SSH2: variants seen among roughly 807,000 people sequenced by gnomAD.
SSH2 encodes the protein slingshot protein phosphatase 2.
A neutral mutation model predicts 135.2 loss-of-function variants in SSH2; 37 were observed. The ratio of observed to expected loss-of-function variants is 0.27; its 90% CI spans 0.21 to 0.36. SSH2 has a LOEUF of 0.36. SSH2 is among the 10% of genes least tolerant of loss of function. The probability of loss-of-function intolerance (pLI) is 1.00; values close to 1 mark genes in which losing one functional copy is unlikely to be tolerated. For synonymous variants in SSH2, 628 were observed against 646.2 expected, an observed-to-expected ratio of 0.97 and a Z score of 0.43; for missense variants, 1,408 against 1,765.3, an observed-to-expected ratio of 0.80 and a Z score of 3.63.
At chr17:29,909,716 T>G (rs1234644359) in intron 1 of SSH2, among the ~76,000 whole-genome samples, 1 of 152,172 alleles carries the variant, frequency 6.6e-6, no homozygotes, top group Non-Finnish European at 1.5e-5. Context: ...ATTTGTTATT[T>G]CCAGTGCTTA....
chr17:29,644,143 G>A (rs2036279188), intron 14 of SSH2, among the ~76,000 whole-genome samples: 1 of 152,150 alleles, frequency 6.6e-6, no homozygotes, highest in Non-Finnish European at 1.5e-5. Flanking sequence ...TGCCCTGCAG[G>A]GTCCACTCTT....
At chr17:29,795,166 T>A (rs1028592633) in intron 2 of SSH2, among the ~76,000 whole-genome samples, 11 of 152,322 alleles carry the variant, frequency 7.2e-5, no homozygotes, top group African/African-American at 2.6e-4. Context: ...TAACTTTCAT[T>A]CCCATGTAGC....
chr17:29,786,003 A>C (rs1403252525), intron 3 of SSH2, among the ~76,000 whole-genome samples: 2 of 147,684 alleles, frequency 1.4e-5, no homozygotes, highest in East Asian at 2.0e-4. Context: ...ACCGGGTTTC[A>C]CCGTGTCAGC....
At chr17:29,705,469 A>C (rs1264749209) in intron 3 of SSH2, among the ~76,000 whole-genome samples, 1 of 152,106 alleles carries the variant, frequency 6.6e-6, no homozygotes, top group Non-Finnish European at 1.5e-5. Flanking sequence ...TCAAAAAAAA[A>C]CTTCTTAACA....
intron 9 of SSH2, among the ~76,000 whole-genome samples, chr17:29,669,825 T>C (rs904252099): frequency 2.6e-5 from 4 of 151,982 alleles, no homozygotes; most frequent in Non-Finnish European, 5.9e-5. Flanking sequence ...AAGAGCAATA[T>C]CTTTCTTCCT....
At chr17:29,637,889 G>A (rs925247193) in intron 14 of SSH2, among the ~76,000 whole-genome samples, 9 of 150,060 alleles carry the variant, frequency 6.0e-5, no homozygotes, top group East Asian at 4.0e-4. Context: ...TAAGGCGGGC[G>A]GATCGCTTGA....
chr17:29,864,805 A>AGT (rs1207495340), intron 1 of SSH2, among the ~76,000 whole-genome samples: 11 of 152,184 alleles, frequency 7.2e-5, no homozygotes, highest in Non-Finnish European at 1.6e-4. Flanking sequence ...AGTGATTCTC[A>AGT]GTGTGGTCTC....
In SSH2 at chr17:29,913,862, G is replaced by A. The variant is rs567397559; in HGVS notation, c.63+16076C>T. Among the ~76,000 whole-genome samples the A allele has an allele frequency of 3.1e-3, 464 of 151,990 alleles. 2 individuals are homozygous for A. Among genetic ancestry groups the A allele is most frequent in the Non-Finnish European group, 1.8e-3 (122 of 67,966 alleles). ...TTGGTCAGGCTGGTCTTGAACTCCC[G>A]ACCTCAGGTGATCCGCCCGCCTCAG... On this transcript the variant is annotated intron_variant, in intron 1 of 15. Transcript: ENST00000540801.
intron 1 of SSH2, among the ~76,000 whole-genome samples, chr17:29,875,380 A>G (rs924861283): frequency 6.6e-6 from 1 of 152,108 alleles, no homozygotes; most frequent in African/African-American, 2.4e-5. Flanking sequence ...CTATATCCAA[A>G]ATATGTCTTA....
At chr17:29,819,453 C>T (rs1167531540) in intron 2 of SSH2, among the ~76,000 whole-genome samples, 1 of 151,936 alleles carries the variant, frequency 6.6e-6, no homozygotes, top group Non-Finnish European at 1.5e-5. Context: ...AATAAATAGT[C>T]AACTGAAAAT....
At chr17:29,767,051 C>G (rs1289531453) in intron 3 of SSH2, among the ~76,000 whole-genome samples, 1 of 152,194 alleles carries the variant, frequency 6.6e-6, no homozygotes, top group Non-Finnish European at 1.5e-5. Context: ...GTTTTAAACA[C>G]TGGATTAAGC....
intron 1 of SSH2, among the ~76,000 whole-genome samples, chr17:29,862,302 C>G (rs571260349): frequency 5.3e-5 from 8 of 152,308 alleles, no homozygotes; most frequent in African/African-American, 1.9e-4. Flanking sequence ...TTCTTTATCC[C>G]CCTCTGGACT....
chr17:29,861,222 T>C (rs540999598), intron 1 of SSH2, among the ~76,000 whole-genome samples: 46 of 152,306 alleles, frequency 3.0e-4, no homozygotes, highest in African/African-American at 1.1e-3. Flanking sequence ...AGAAGCTCTT[T>C]AGTTTAATTA....
chr17:29,655,776 T>C (rs1053086666), intron 11 of SSH2, among the ~76,000 whole-genome samples, 169 bp from the exon 12 acceptor site: 3 of 152,228 alleles, frequency 2.0e-5, no homozygotes, highest in Non-Finnish European at 4.4e-5. Flanking sequence ...TCACAAATGA[T>C]AGAGTAAGAA....
chr17:29,853,397 A>G (rs1294529428), intron 1 of SSH2, among the ~76,000 whole-genome samples: 2 of 151,510 alleles, frequency 1.3e-5, no homozygotes, highest in Non-Finnish European at 1.5e-5. Flanking sequence ...GGTGGGCTTA[A>G]TTATACATAG....
intron 1 of SSH2, among the ~76,000 whole-genome samples, chr17:29,903,059 G>A (rs1021418483): frequency 4.6e-5 from 7 of 151,666 alleles, no homozygotes; most frequent in African/African-American, 1.7e-4. Context: ...GGTGCCGGGC[G>A]CCTGTAGTCC....
At chr17:29,794,635 A>G (rs2042126683) in intron 2 of SSH2, among the ~76,000 whole-genome samples, 2 of 152,202 alleles carry the variant, frequency 1.3e-5, no homozygotes, top group Non-Finnish European at 2.9e-5. Context: ...TCATAGTTCA[A>G]TTACAATATT....
chr17:29,927,613 G>A (rs1381791622), intron 1 of SSH2, among the ~76,000 whole-genome samples: 1 of 152,170 alleles, frequency 6.6e-6, no homozygotes, highest in African/African-American at 2.4e-5. Context: ...TATTCATACA[G>A]CAAGAGATAG....
chr17:29,779,680 G>A (rs762645562), intron 3 of SSH2, among the ~76,000 whole-genome samples: 3 of 151,222 alleles, frequency 2.0e-5, no homozygotes, highest in Non-Finnish European at 2.9e-5. Context: ...TTAGCTGGGC[G>A]TGGTGGTGGG....
Sources: gnomAD v4.1 joint callset for allele counts (sites outside exome capture counted in the v4.1 genomes callset) on GRCh38, gnomAD v4.1.1 for gene constraint, MANE v1.5 for transcripts, NCBI Gene and HGNC (gene_info 2026-07-23, HGNC 2026-07-21) for gene names.